Variants in INPPL1 observed in about 807,000 individuals in gnomAD.
INPPL1 encodes the protein inositol polyphosphate phosphatase like 1.
Under a neutral mutation model 139.3 loss-of-function variants are expected in INPPL1, and 91 were observed. That is an observed-to-expected ratio of 0.65 (90% CI 0.55 to 0.78). The LOEUF is 0.78. Among genes scored for constraint, INPPL1 ranks in the 30% least tolerant of loss-of-function variants. The probability of loss-of-function intolerance (pLI) is 0.00; values close to 1 mark genes in which losing one functional copy is unlikely to be tolerated. For synonymous variants in INPPL1, 719 were observed against 686.6 expected, an observed-to-expected ratio of 1.05 and a Z score of -0.74; for missense variants, 1,411 against 1,665.6, an observed-to-expected ratio of 0.85 and a Z score of 2.66.
Position 72,230,819 on chromosome 11 carries a change from G to T in INPPL1, c.1221G>T (p.Leu407=). The T allele has an allele frequency of 1.2e-6, 2 of 1,614,028 alleles. No homozygotes were observed. The highest frequency in any genetic ancestry group is 2.2e-5 in the South Asian group (2 of 91,078). The change falls in exon 11 of 28, where the codon CTG becomes CTT. Residue 407 remains leucine (L), a synonymous_variant. Coordinates refer to ENST00000298229, the MANE Select transcript of INPPL1 (RefSeq NM_001567.4). ...SARKREAFCQ[L]LQLMKNKHSK... ...AGAAGCGGGAGGCCTTCTGCCAGCT[G>T]TTGCAGCTCATGAAGAACAAGCACT...
chr11:72,233,290 T>C (rs368990159), intron 17 of INPPL1, 127 bp downstream of exon 17: 1 of 1,053,706 alleles, frequency 9.5e-7, no homozygotes. Flanking sequence ...GGCCTTTGGG[T>C]GATCCTGGGT....
At chr11:72,237,817 G>C (rs1210190758) in intron 26 of INPPL1, 21 bp downstream of exon 26, 3 of 1,576,834 alleles carry the variant, frequency 1.9e-6, no homozygotes, top group African/African-American at 1.3e-5. Context: ...CAGGGTGGCT[G>C]TCTGTGTGTG....
Position 72,234,602 on chromosome 11 carries a change from G to T in INPPL1, c.2402G>T (p.Arg801Leu). The change falls in exon 21 of 28, where the codon CGC becomes CTC. Residue 801 changes from arginine to leucine, a missense_variant. By Grantham distance (102) the Arg-to-Leu change is moderately radical. This residue lies in a region of INPPL1 where 363 missense variants were observed against 446.2 expected (regional missense o/e 0.81). Coordinates refer to ENST00000298229, the MANE Select transcript of INPPL1 (RefSeq NM_001567.4). The surrounding 1 kb of genome is among the most constrained non-coding windows in gnomAD (Gnocchi z 4.2). ...TTCCTCAAAGTGCAGTGGTCTTCAC[G>T]CCAGCTGCCCACGGTGAGGCTGTGG... ...INFLKVQWSS[R>L]QLPTLKPILA... 1 of 1,613,106 alleles carries T rather than the reference G, an allele frequency of 6.2e-7. No homozygotes were observed. Among genetic ancestry groups the T allele is most frequent in the Non-Finnish European group, 8.5e-7 (1 of 1,179,396 alleles).
Position 72,224,803 on chromosome 11 carries a change from G to T in INPPL1, c.-182G>T, listed in dbSNP as rs1049313895. 7.6e-5 allele frequency: 17 copies of T among 222,446 alleles called. No homozygotes were observed. The highest frequency in any genetic ancestry group is 9.4e-5 in the Non-Finnish European group (12 of 127,132). The allele number at this position is 222,446 out of a possible 1,614,324, so 13.8% of individuals were successfully genotyped here. ...AGTTGAGGCCGGCGCTGCAGGCAGC[G>T]GCGGCTGCGCGGTGAACGAGGCGGC... is the stretch of plus-strand genomic sequence containing the variant. On this transcript the variant is annotated 5_prime_UTR_variant, in exon 1 of 28. Coordinates refer to ENST00000298229, the MANE Select transcript of INPPL1 (RefSeq NM_001567.4).
chr11:72,238,401 C>A lies in INPPL1; in HGVS notation c.*48C>A. 6.8e-7 allele frequency: 1 copy of A among 1,467,108 alleles called. No individual in the cohort carries two copies. Among genetic ancestry groups the A allele is most frequent in the Non-Finnish European group, 9.1e-7 (1 of 1,096,960 alleles). 90.9% of individuals were successfully genotyped at this position (1,467,108 alleles called of 1,614,324 possible). ...TGAACTCAGAGCCCCTCCCTGCTAC[C>A]AAGGCCCAGCTATGGCCCCAGGGTT... On this transcript the variant is annotated 3_prime_UTR_variant, in exon 28 of 28. Coordinates refer to ENST00000298229, the MANE Select transcript of INPPL1 (RefSeq NM_001567.4).
At position 72,234,103 on chromosome 11, in the gene INPPL1, G is replaced by A. The variant is rs1207909793; in HGVS notation, c.2213-178G>A. 6.6e-6 allele frequency among the ~76,000 whole-genome samples: 1 copy of A among 152,116 alleles called. No individual in the cohort carries two copies. The highest frequency in any genetic ancestry group is 1.5e-5 in the Non-Finnish European group (1 of 68,016). On this transcript the variant is annotated intron_variant, in intron 19 of 27. Coordinates refer to ENST00000298229, the MANE Select transcript of INPPL1 (RefSeq NM_001567.4). This position sits in a 1 kb window ranked among gnomAD's most constrained non-coding sequence, Gnocchi z 4.2. ...TATCCTTGGGTTGTCTCTTTGCTCT[G>A]GTCCAGGGTCTGGCCTCTGGAGATT...
upstream of INPPL1, chr11:72,224,081 T>G (rs1467115868): frequency 2.0e-5 from 3 of 147,058 alleles, no homozygotes; most frequent in South Asian, 2.2e-4. Context: ...GTGTGGGGGG[T>G]GGTGCTGGGG....
chr11:72,227,209 A>G (rs1288897592), intron 1 of INPPL1, among the ~76,000 whole-genome samples: 1 of 151,858 alleles, frequency 6.6e-6, no homozygotes, highest in Non-Finnish European at 1.5e-5. Context: ...TAAAATCCCA[A>G]CTCCACCTTT....
At position 72,234,250 on chromosome 11, in the gene INPPL1, C is replaced by T. The variant is rs766888494; in HGVS notation, c.2213-31C>T. On this transcript the variant is annotated intron_variant, in intron 19 of 27. Coordinates refer to ENST00000298229, the MANE Select transcript of INPPL1 (RefSeq NM_001567.4). The surrounding 1 kb of genome is among the most constrained non-coding windows in gnomAD (Gnocchi z 4.2). Reference sequence around the variant, plus strand: ...CATTCCTCCTGTGATCCTCTCAGTCCTCCTGTTTGTTCTCCTCCCTTTCTC... The same window carrying T: ...CATTCCTCCTGTGATCCTCTCAGTCTTCCTGTTTGTTCTCCTCCCTTTCTC... The T allele has an allele frequency of 2.1e-5, 31 of 1,493,914 alleles. No individual in the cohort carries two copies. The highest frequency in any genetic ancestry group is 2.5e-5 in the Non-Finnish European group (27 of 1,071,378). 92.5% of individuals were successfully genotyped at this position (1,493,914 alleles called of 1,614,324 possible). A position where few individuals can be genotyped will look rare whatever the true frequency, so the allele number is the denominator to read the frequency against.
At chr11:72,225,950 C>T (rs1219123993) in intron 1 of INPPL1, among the ~76,000 whole-genome samples, 1 of 152,138 alleles carries the variant, frequency 6.6e-6, no homozygotes, top group East Asian at 1.9e-4. Flanking sequence ...CTTCTAGCGG[C>T]TTTGTACCTC....
Position 72,232,966 on chromosome 11 carries a change from T to G in INPPL1, c.1943T>G (p.Leu648Arg). ...NLEREKHKVF[L>R]RFSEEEISFP... ...GAGCGGGAGAAGCACAAGGTCTTCC[T>G]TCGATTCAGTGAGTGTGGGCCTGGT... Residue 648 changes from leucine (L) to arginine (R), a missense_variant, in exon 16 of 28, where the codon CTT becomes CGT. Around this residue, in one of 5 missense-constraint regions of INPPL1, gnomAD observed 363 missense variants for 446.2 expected, o/e 0.81. Coordinates refer to ENST00000298229, the MANE Select transcript of INPPL1 (RefSeq NM_001567.4). 1 of 1,614,000 alleles carries G rather than the reference T, an allele frequency of 6.2e-7. No individual in the cohort carries two copies. Among genetic ancestry groups the G allele is most frequent in the African/African-American group, 1.3e-5 (1 of 75,002 alleles).
chr11:72,226,556 A>G (rs73545661), intron 1 of INPPL1, among the ~76,000 whole-genome samples: 1,599 of 152,180 alleles, frequency 0.011, 17 homozygotes, highest in African/African-American at 0.037. Flanking sequence ...ATACTGCTAA[A>G]CATTCTACAG....
Position 72,229,952 on chromosome 11 carries a change from C to T in INPPL1, c.872C>T (p.Ser291Phe), listed in dbSNP as rs1237055150. The T allele has an allele frequency of 5.0e-6, 8 of 1,614,100 alleles. No individual in the cohort carries two copies. ...KALKALQDMS[S>F]TAPPAPQPST... ...CTGAAGGCCCTACAGGACATGAGCT[C>T]CACAGCACCCCCAGCTCCGCAGCCA... Residue 291 changes from serine (S) to phenylalanine (F), a missense_variant, in exon 8 of 28, where the codon TCC (serine) becomes TTC (phenylalanine). Physicochemically the swap from Ser to Phe is radical, Grantham distance 155. Coordinates refer to ENST00000298229, the MANE Select transcript of INPPL1 (RefSeq NM_001567.4).
In INPPL1 at chr11:72,234,432, G is replaced by A; in HGVS notation, c.2326+38G>A. 1 of 1,599,512 alleles carries A rather than the reference G, an allele frequency of 6.3e-7. No homozygotes were observed. The highest frequency in any genetic ancestry group is 8.6e-7 in the Non-Finnish European group (1 of 1,166,760). On this transcript the variant is annotated intron_variant, in intron 20 of 27. Transcript: ENST00000298229. This position sits in a 1 kb window ranked among gnomAD's most constrained non-coding sequence, Gnocchi z 4.2. ...GCAGGGGCTGGGTGTGGGCCAAGGA[G>A]GATGGGAGGCAAGAGGGTGCAGTCA... is the stretch of plus-strand genomic sequence containing the variant.
chr11:72,237,951 CT>C, intron 26 of INPPL1, 90 bp from the exon 27 acceptor site: 1 of 1,464,148 alleles, frequency 6.8e-7, no homozygotes. Context: ...CAGCCCTTCC[CT>C]TCCTTTTCCC....
intron 1 of INPPL1, chr11:72,227,770 G>A (rs1026019148): frequency 1.2e-5 from 3 of 254,408 alleles, no homozygotes; most frequent in East Asian, 9.8e-5. Context: ...AACACAGGAG[G>A]CATACACACG....
rs746017563 is a variant in INPPL1, at chr11:72,237,332, C to T, written c.3088C>T (p.Arg1030Trp). 11 of 1,614,004 alleles carry T rather than the reference C, an allele frequency of 6.8e-6. No homozygotes were observed. The highest frequency in any genetic ancestry group is 3.3e-5 in the South Asian group (3 of 91,072). ...TVPAPQLGHH[R>W]HPRVGEGSSS... ...GCCTGCTCCACAGCTTGGGCACCAC[C>T]GGCACCCTCGTGTGGGAGAGGGGAG... The change falls in exon 26 of 28, where the codon CGG becomes TGG. Residue 1030 changes from arginine (R) to tryptophan (W), a missense_variant. Physicochemically the swap from Arg to Trp is moderately radical, Grantham distance 101 (BLOSUM62 -3). Transcript: ENST00000298229.
In INPPL1 at chr11:72,235,305, T is replaced by C; in HGVS notation, c.2513T>C (p.Val838Ala). 2 of 1,614,022 alleles carry C rather than the reference T, an allele frequency of 1.2e-6. No homozygotes were observed. Among genetic ancestry groups the C allele is most frequent in the African/African-American group, 2.7e-5 (2 of 74,992 alleles). ...CCCATCTGCTCCTCAGGGGAGTGTG[T>C]GGTTGCACTCAAATCCATGATCGGC... is the stretch of plus-strand genomic sequence containing the variant. ...MDGYESYGECVVALKSMIGST... is the reference protein window; with the variant it reads ...MDGYESYGECAVALKSMIGST... Residue 838 changes from valine (V) to alanine (A), a missense_variant, in exon 23 of 28, where the codon GTG (valine) becomes GCG (alanine). Val to Ala is a moderately conservative substitution (Grantham distance 64). Coordinates refer to ENST00000298229, the MANE Select transcript of INPPL1 (RefSeq NM_001567.4). This position sits in a 1 kb window ranked among gnomAD's most constrained non-coding sequence, Gnocchi z 4.9.
chr11:72,233,743 A>G lies in INPPL1; in HGVS notation c.2211A>G (p.Lys737=), dbSNP rs1168735661. The change falls in exon 19 of 28, where the codon AAA becomes AAG. Residue 737 remains lysine (K), a splice_region_variant and synonymous_variant. Coordinates refer to ENST00000298229, the MANE Select transcript of INPPL1 (RefSeq NM_001567.4). ...VGVTSQFISK[K]GLSKTSDQAY... ...TTACCTCCCAGTTCATCTCCAAGAA[A>G]GGTGACTGTTCCAGATATGCTTGTG... The G allele has an allele frequency of 1.9e-6, 3 of 1,613,416 alleles. No individual in the cohort carries two copies. The African/African-American group carries it at 4.0e-5, about 22-fold the overall frequency.
Sources: gnomAD v4.1 joint callset for allele counts (sites outside exome capture counted in the v4.1 genomes callset) on GRCh38, gnomAD v4.1.1 for gene constraint, gnomAD v4.1.1 regional missense constraint, Gnocchi (gnomAD v3.1) non-coding constraint, MANE v1.5 for transcripts, NCBI Gene and HGNC (gene_info 2026-07-23, HGNC 2026-07-21) for gene names.